THSD7A: variants seen among roughly 807,000 people sequenced by gnomAD.
THSD7A encodes thrombospondin type-1 domain-containing protein 7A.
A neutral mutation model predicts 231.3 loss-of-function variants in THSD7A; 96 were observed. The ratio of observed to expected loss-of-function variants is 0.41; its 90% CI spans 0.35 to 0.49. THSD7A has a LOEUF of 0.49. Ranked by LOEUF, THSD7A falls within the 20% of genes least tolerant of loss-of-function variation. THSD7A has a pLI of 0.05. For synonymous variants in THSD7A, 940 were observed against 743.3 expected, an observed-to-expected ratio of 1.26 and a Z score of -4.30; for missense variants, 2,290 against 2,070.2, an observed-to-expected ratio of 1.11 and a Z score of -2.06.
At chr7:11,773,358 C>A (rs144717984) in intron 1 of THSD7A, among the ~76,000 whole-genome samples, 1 of 151,998 alleles carries the variant, frequency 6.6e-6, no homozygotes, top group African/African-American at 2.4e-5. Flanking sequence ...AATGGAGAAA[C>A]CCTGTCTCTA....
At chr7:11,385,534 T>A (rs544267033) in intron 23 of THSD7A, 2 of 152,244 alleles carry the variant, frequency 1.3e-5, no homozygotes, top group East Asian at 3.9e-4. Flanking sequence ...GTATAAAAAA[T>A]TATATCTTTA....
chr7:11,413,352 T>C (rs572759220), intron 17 of THSD7A, among the ~76,000 whole-genome samples: 1 of 152,136 alleles, frequency 6.6e-6, no homozygotes, highest in Admixed American at 6.5e-5. Context: ...CTCTTGGCCA[T>C]AGGGACCACA....
intron 1 of THSD7A, among the ~76,000 whole-genome samples, chr7:11,667,087 A>G (rs1483018484): frequency 1.3e-5 from 2 of 152,050 alleles, no homozygotes; most frequent in South Asian, 2.1e-4. Context: ...TTGGGGGTAC[A>G]GGTGGTTTTT....
In THSD7A at chr7:11,401,865, C is replaced by T. The variant is rs762226111; in HGVS notation, c.4341G>A (p.Pro1447=). 5.9e-5 allele frequency: 96 copies of T among 1,613,674 alleles called. No homozygotes were observed. The highest frequency in any genetic ancestry group is 3.3e-4 in the Middle Eastern group (2 of 6,082). The change falls in exon 23 of 28, where the codon CCG becomes CCA. Residue 1447 remains proline (P), a synonymous_variant. Coordinates refer to ENST00000423059, the MANE Select transcript of THSD7A (RefSeq NM_015204.3). ...GATTCTCTAGTTCTTGTATAATCACCGGTCTGGATCTGACCTGTATTCCAC... is the reference window on the plus strand; with the variant it reads ...GATTCTCTAGTTCTTGTATAATCACTGGTCTGGATCTGACCTGTATTCCAC... ...GFGGIQVRSR[P]VIIQELENQH... is the part of the protein sequence containing the mutation.
At chr7:11,424,099 C>A (rs887135123) in intron 16 of THSD7A, among the ~76,000 whole-genome samples, 2 of 152,196 alleles carry the variant, frequency 1.3e-5, no homozygotes, top group African/African-American at 2.4e-5. Context: ...CGCTCTCCAA[C>A]AGATAGCTGC....
At chr7:11,501,370 A>C (rs1243661546) in intron 6 of THSD7A, among the ~76,000 whole-genome samples, 1 of 152,252 alleles carries the variant, frequency 6.6e-6, no homozygotes. Flanking sequence ...AATTGACCAC[A>C]TAATTGGACA....
At chr7:11,392,701 G>C (rs1317239525) in intron 23 of THSD7A, among the ~76,000 whole-genome samples, 2 of 152,130 alleles carry the variant, frequency 1.3e-5, no homozygotes, top group African/African-American at 4.8e-5. Flanking sequence ...GTGGGAGGAG[G>C]GGTGTATACC....
chr7:11,825,386 G>T (rs964248661), intron 1 of THSD7A, among the ~76,000 whole-genome samples: 3 of 152,030 alleles, frequency 2.0e-5, no homozygotes, highest in African/African-American at 4.8e-5. Context: ...CTCAAAGTCC[G>T]TGTTCTTTCC....
intron 23 of THSD7A, among the ~76,000 whole-genome samples, chr7:11,389,506 A>C (rs1247438461): frequency 3.2e-5 from 4 of 125,614 alleles, no homozygotes; most frequent in Non-Finnish European, 6.3e-5. Context: ...TTTTGAGCCT[A>C]TGTGTGTCTT....
intron 4 of THSD7A, among the ~76,000 whole-genome samples, chr7:11,589,652 G>T (rs60927570): frequency 0.016 from 2,489 of 152,178 alleles, 62 homozygotes; most frequent in African/African-American, 0.056. Flanking sequence ...GTTAATATAC[G>T]TTCAATGGGT....
chr7:11,636,245 T>G lies in THSD7A; in HGVS notation c.907A>C (p.Lys303Gln), dbSNP rs770955480. ...DPEARELIKK[K>Q]RNRNRQNRQE... ...CTGTTCTGCCTGTTTCTGTTTCTCT[T>G]TTTCTTAATAAGCTCGCGGGCTTCT... The change falls in exon 2 of 28, where the codon AAG becomes CAG. Residue 303 changes from lysine (K) to glutamine (Q), a missense_variant. Physicochemically the swap from Lys to Gln is moderately conservative, Grantham distance 53. Coordinates refer to ENST00000423059, the MANE Select transcript of THSD7A (RefSeq NM_015204.3). The surrounding 1 kb of genome is among the most constrained non-coding windows in gnomAD (Gnocchi z 10.0). The G allele has an allele frequency of 6.2e-7, 1 of 1,614,042 alleles. No individual in the cohort carries two copies. Among genetic ancestry groups the G allele is most frequent in the East Asian group, 2.2e-5 (1 of 44,880 alleles).
chr7:11,532,247 C>T (rs1027298046), intron 6 of THSD7A, among the ~76,000 whole-genome samples: 1 of 152,022 alleles, frequency 6.6e-6, no homozygotes, highest in Non-Finnish European at 1.5e-5. Context: ...TGAGACCAGG[C>T]AAAGCCAACA....
Position 11,831,868 on chromosome 7 carries a change from G to T in THSD7A, c.79C>A (p.Pro27Thr). ...AGCAGCGGCAGCGGCAGCGGCAGCG[G>T]CAGCAGCTGCAGGACGCCCCGGCGC... ...GPRRGVLQLLPLPLPLPLLLL... is the reference protein window; with the variant it reads ...GPRRGVLQLLTLPLPLPLLLL... Residue 27 changes from proline (P) to threonine (T), a missense_variant, in exon 1 of 28, where the codon CCG becomes ACG. By Grantham distance (38) the Pro-to-Thr change is conservative. Coordinates refer to ENST00000423059, the MANE Select transcript of THSD7A (RefSeq NM_015204.3). The surrounding 1 kb of genome is among the most constrained non-coding windows in gnomAD (Gnocchi z 5.0). 3.1e-6 allele frequency: 4 copies of T among 1,289,482 alleles called. No individual in the cohort carries two copies. The highest frequency in any genetic ancestry group is 2.9e-6 in the Non-Finnish European group (3 of 1,020,830). 79.9% of individuals were successfully genotyped at this position (1,289,482 alleles called of 1,614,324 possible). A position where few individuals can be genotyped will look rare whatever the true frequency, so the allele number is the denominator to read the frequency against.
chr7:11,555,177 G>T (rs1407506922), intron 4 of THSD7A, among the ~76,000 whole-genome samples: 2 of 151,554 alleles, frequency 1.3e-5, no homozygotes, highest in Non-Finnish European at 1.5e-5. Flanking sequence ...TCTCTAGATG[G>T]GAGCTTTGAT....
chr7:11,759,095 A>G (rs1466518942), intron 1 of THSD7A, among the ~76,000 whole-genome samples: 5 of 152,112 alleles, frequency 3.3e-5, no homozygotes, highest in African/African-American at 1.2e-4. Context: ...AAAGAATTCC[A>G]ATAGCTAATG....
chr7:11,746,726 CA>C (rs1782319307), intron 1 of THSD7A, among the ~76,000 whole-genome samples: 1 of 151,734 alleles, frequency 6.6e-6, no homozygotes, highest in Non-Finnish European at 1.5e-5. Flanking sequence ...TAATATTTGC[CA>C]GGATATTCCA....
chr7:11,666,116 C>T, intron 1 of THSD7A, among the ~76,000 whole-genome samples: 1 of 151,944 alleles, frequency 6.6e-6, no homozygotes, highest in Non-Finnish European at 1.5e-5. Flanking sequence ...ATGGGCAGTG[C>T]CTGTAGGTGT....
chr7:11,704,837 T>G (rs954409989), intron 1 of THSD7A, among the ~76,000 whole-genome samples: 2 of 150,972 alleles, frequency 1.3e-5, no homozygotes, highest in Non-Finnish European at 3.0e-5. Flanking sequence ...TTTGCCAAGT[T>G]GTGTGGTGGT....
At chr7:11,620,295 T>G (rs180838213) in intron 2 of THSD7A, among the ~76,000 whole-genome samples, 100 of 152,284 alleles carry the variant, frequency 6.6e-4, no homozygotes, top group African/African-American at 2.4e-3. Context: ...TCTAGAAAAA[T>G]TTCACAAACA....
Sources: allele counts gnomAD v4.1 joint callset (sites outside exome capture counted in the v4.1 genomes callset), GRCh38; gene constraint gnomAD v4.1.1; non-coding constraint Gnocchi (gnomAD v3.1); transcripts MANE v1.5; gene names NCBI Gene and HGNC (gene_info 2026-07-23, HGNC 2026-07-21).